CA1: variants seen among roughly 807,000 people sequenced by gnomAD.
The protein encoded by CA1 is carbonic anhydrase 1.
In CA1, 27 loss-of-function variants were observed where a neutral mutation model predicts 28.8. The ratio of observed to expected loss-of-function variants is 0.94; its 90% CI spans 0.69 to 1.29. The LOEUF is 1.29. CA1 is among the 50% of genes most tolerant of loss of function. The pLI is 0.00. For missense variants in CA1, 335 were observed against 310.5 expected (o/e 1.08, Z -0.59); for synonymous variants, 121 against 108.8 (o/e 1.11, Z -0.70).
At chr8:85,350,033 T>C (rs936463373) in intron 1 of CA1, 2 of 152,206 alleles carry the variant, frequency 1.3e-5, no homozygotes, top group Admixed American at 1.3e-4. Flanking sequence ...ATGCAAAAGG[T>C]TACTTGGGCA....
chr8:85,374,224 A>T (rs1180445106), intron 1 of CA1, among the ~76,000 whole-genome samples: 1 of 152,174 alleles, frequency 6.6e-6, no homozygotes, highest in Non-Finnish European at 1.5e-5. Context: ...AATCTAAAAA[A>T]CAATATTTCA....
chr8:85,362,018 C>G (rs375704268), intron 1 of CA1, among the ~76,000 whole-genome samples: 8 of 152,282 alleles, frequency 5.3e-5, no homozygotes, highest in East Asian at 1.9e-4. Context: ...ATTCTCCTGA[C>G]ACTTCTGGCA....
chr8:85,367,416 CAG>C (rs1340984739), intron 1 of CA1, among the ~76,000 whole-genome samples: 10 of 152,186 alleles, frequency 6.6e-5, no homozygotes, highest in South Asian at 6.2e-4. Flanking sequence ...CCAAGGGAGT[CAG>C]GGGAATTTCA....
chr8:85,348,475 A>G (rs1280659419), intron 1 of CA1, among the ~76,000 whole-genome samples: 2 of 152,180 alleles, frequency 1.3e-5, no homozygotes, highest in Non-Finnish European at 2.9e-5. Context: ...TAGTAGATCT[A>G]TCAAAGAAAA....
intron 1 of CA1, among the ~76,000 whole-genome samples, chr8:85,347,813 A>G (rs1302050202): frequency 6.6e-6 from 1 of 152,192 alleles, no homozygotes; most frequent in Non-Finnish European, 1.5e-5. Flanking sequence ...ATAGTAAATA[A>G]CAAAACTTTA....
chr8:85,375,186 A>G (rs1476099051), intron 1 of CA1, among the ~76,000 whole-genome samples: 1 of 152,184 alleles, frequency 6.6e-6, no homozygotes, highest in African/African-American at 2.4e-5. Flanking sequence ...TCTCACTCCA[A>G]CATTTTTGCT....
intron 1 of CA1, chr8:85,373,597 T>C (rs1300052291): frequency 6.6e-6 from 1 of 152,210 alleles, no homozygotes; most frequent in African/African-American, 2.4e-5. Context: ...TTCCTATTCC[T>C]AATTTATAAT....
rs768769200 is a variant in CA1, at chr8:85,333,605, AGT to A, written c.368_369del (p.His123LeufsTer11). On this transcript the variant is annotated frameshift_variant, in exon 5 of 8. Coordinates refer to ENST00000523022, the MANE Select transcript of CA1 (RefSeq NM_001128831.4). LOFTEE classifies it high-confidence loss of function. The part of the protein sequence containing the change: ...VKYSAELHVA[H>X]WNSAKYSSLA... ...AGGCTGGAGTACTTTGCAGAATTCC[AGT>A]GAGCTACGTGAAGCTAAAAATGATA... The A allele has an allele frequency of 3.7e-6, 6 of 1,609,470 alleles. No individual in the cohort carries two copies. In the South Asian group the frequency reaches 5.5e-5, roughly 15 times the overall value.
chr8:85,354,478 C>A (rs1809531479), intron 1 of CA1, among the ~76,000 whole-genome samples: 1 of 152,126 alleles, frequency 6.6e-6, no homozygotes, highest in Non-Finnish European at 1.5e-5. Flanking sequence ...TTGGGATGAT[C>A]TGTTTTTAGA....
chr8:85,339,369 G>A (rs1277961809), intron 2 of CA1, among the ~76,000 whole-genome samples: 1 of 152,064 alleles, frequency 6.6e-6, no homozygotes, highest in Non-Finnish European at 1.5e-5. Flanking sequence ...TATTATAATA[G>A]TGTTGTGGCA....
intron 2 of CA1, among the ~76,000 whole-genome samples, chr8:85,338,935 C>T (rs898593631): frequency 6.6e-6 from 1 of 151,888 alleles, no homozygotes; most frequent in Non-Finnish European, 1.5e-5. Context: ...AGGCTTGTCT[C>T]GAACTCCTGA....
chr8:85,346,667 CAGG>C (rs1316997142), intron 1 of CA1, among the ~76,000 whole-genome samples: 2 of 152,118 alleles, frequency 1.3e-5, no homozygotes, highest in African/African-American at 4.8e-5. Flanking sequence ...GAGGCTGAGG[CAGG>C]AGAATCGCTT....
At position 85,342,025 on chromosome 8, in the gene CA1, T is replaced by C. The variant is rs528595331; in HGVS notation, c.-24-366A>G. Among the ~76,000 whole-genome samples, 124 of 152,286 alleles carry C rather than the reference T, an allele frequency of 8.1e-4. 1 individual carries two copies. The highest frequency in any genetic ancestry group is 2.6e-3 in the African/African-American group (109 of 41,578). On this transcript the variant is annotated intron_variant, in intron 1 of 7. Transcript: ENST00000523022. ...TTTGTACACTCAAGATTTCCAACTC[T>C]ACCTTTGTTAGTTACCTAAGCAATA...
intron 2 of CA1, among the ~76,000 whole-genome samples, chr8:85,340,781 A>G (rs1017437845): frequency 2.0e-5 from 3 of 152,180 alleles, no homozygotes; most frequent in Non-Finnish European, 2.9e-5. Context: ...AGCCTTCCCA[A>G]CCTTCAGCAA....
chr8:85,331,709 C>T (rs1197372705), intron 6 of CA1, among the ~76,000 whole-genome samples: 7 of 152,098 alleles, frequency 4.6e-5, no homozygotes, highest in East Asian at 1.9e-4. Flanking sequence ...CTACCCGCCT[C>T]GGCCTCCCAA....
intron 1 of CA1, among the ~76,000 whole-genome samples, chr8:85,377,156 A>G (rs1320966606): frequency 6.6e-6 from 1 of 152,218 alleles, no homozygotes; most frequent in Non-Finnish European, 1.5e-5. Flanking sequence ...AAAATCAGAT[A>G]TATGAACCAT....
chr8:85,336,680 T>A (rs1206554809), intron 4 of CA1, among the ~76,000 whole-genome samples: 1 of 152,218 alleles, frequency 6.6e-6, no homozygotes, highest in Non-Finnish European at 1.5e-5. Context: ...AAGCTAGCTT[T>A]GATATCAAGG....
chr8:85,347,471 G>T (rs1423828520), intron 1 of CA1, among the ~76,000 whole-genome samples: 3 of 152,184 alleles, frequency 2.0e-5, no homozygotes, highest in Non-Finnish European at 4.4e-5. Context: ...TTTCCCAAGT[G>T]TACATGTGTT....
Position 85,328,692 on chromosome 8 carries a change from A to G in CA1, c.670-16T>C. On this transcript the variant is annotated splice_polypyrimidine_tract_variant and intron_variant, in intron 7 of 7. Transcript: ENST00000523022. ...ATTGTGCCAGCTAGAAGGATAAAAT[A>G]TTTTAAAAATAAAAAGTTTTTAAAG... 1 of 1,513,558 alleles carries G rather than the reference A, an allele frequency of 6.6e-7. No homozygotes were observed. The highest frequency in any genetic ancestry group is 9.1e-7 in the Non-Finnish European group (1 of 1,093,012). 93.8% of individuals were successfully genotyped at this position (1,513,558 alleles called of 1,614,324 possible). A position where few individuals can be genotyped will look rare whatever the true frequency, so the allele number is the denominator to read the frequency against.
Sources: allele counts gnomAD v4.1 joint callset (sites outside exome capture counted in the v4.1 genomes callset), GRCh38; gene constraint gnomAD v4.1.1; transcripts MANE v1.5; gene names NCBI Gene and HGNC (gene_info 2026-07-23, HGNC 2026-07-21).